Variants in SPOCK1 observed in about 807,000 individuals in gnomAD.
SPOCK1 encodes the protein SPARC (osteonectin), cwcv and kazal like domains proteoglycan 1.
Under a neutral mutation model 55.3 loss-of-function variants are expected in SPOCK1, and 23 were observed. The ratio of observed to expected loss-of-function variants is 0.42; its 90% confidence interval spans 0.30 to 0.59. SPOCK1 has a LOEUF of 0.59. Ranked by LOEUF, SPOCK1 falls within the 20% of genes least tolerant of loss-of-function variation. SPOCK1 has a pLI of 0.22. For missense variants in SPOCK1, 499 were observed against 552.5 expected (o/e 0.90, Z 0.97); for synonymous variants, 226 against 221.0 (o/e 1.02, Z -0.20).
chr5:137,483,191 G>A (rs1208900439), intron 2 of SPOCK1, among the ~76,000 whole-genome samples: 1 of 152,136 alleles, frequency 6.6e-6, no homozygotes, highest in Non-Finnish European at 1.5e-5. Context: ...AAATTAGTCA[G>A]GCGTAGTGGT....
At chr5:137,020,618 G>A (rs1751546759) in intron 6 of SPOCK1, among the ~76,000 whole-genome samples, 1 of 151,852 alleles carries the variant, frequency 6.6e-6, no homozygotes, top group Non-Finnish European at 1.5e-5. Context: ...ACTACAAAGA[G>A]TAAAAAGAAG....
rs551893594 is a variant in SPOCK1, at chr5:137,100,865, T to C, written c.474+11570A>G. On this transcript the variant is annotated intron_variant, in intron 5 of 10. Coordinates refer to ENST00000394945, the MANE Select transcript of SPOCK1 (RefSeq NM_004598.4). Reference sequence around the variant, plus strand: ...AAGATTCCCAAATGTTTCATTTGTTTCCGAAAGGGGAAAAAAAAAAAAAGA... The same window carrying C: ...AAGATTCCCAAATGTTTCATTTGTTCCCGAAAGGGGAAAAAAAAAAAAAGA... Among the ~76,000 whole-genome samples, 13 of 116,216 alleles carry C rather than the reference T, an allele frequency of 1.1e-4. No homozygotes were observed. The South Asian group carries it at 3.2e-3, about 29-fold the overall frequency. 76.2% of individuals were successfully genotyped at this position (116,216 alleles called of 152,430 possible).
At chr5:137,433,252 T>C (rs924982595) in intron 2 of SPOCK1, among the ~76,000 whole-genome samples, 2 of 152,124 alleles carry the variant, frequency 1.3e-5, no homozygotes, top group Admixed American at 1.3e-4. Context: ...TGATTCCAGG[T>C]AGAAATAGCA....
intron 2 of SPOCK1, among the ~76,000 whole-genome samples, chr5:137,410,339 A>G (rs1208336164): frequency 6.6e-6 from 1 of 152,192 alleles, no homozygotes; most frequent in Admixed American, 6.5e-5. Context: ...CCTGATGATA[A>G]TTAATTTTAA....
chr5:137,158,747 C>G (rs1754469207), intron 3 of SPOCK1, among the ~76,000 whole-genome samples: 1 of 151,902 alleles, frequency 6.6e-6, no homozygotes, highest in Non-Finnish European at 1.5e-5. Context: ...TCGGGGGCAC[C>G]ATAACAAGGG....
At chr5:137,294,175 C>T (rs1757433019) in intron 2 of SPOCK1, among the ~76,000 whole-genome samples, 1 of 152,072 alleles carries the variant, frequency 6.6e-6, no homozygotes, top group South Asian at 2.1e-4. Context: ...TGTCTTTTGG[C>T]TTCTTTATCG....
chr5:137,193,334 G>A (rs1755225659), intron 3 of SPOCK1, among the ~76,000 whole-genome samples: 2 of 152,144 alleles, frequency 1.3e-5, no homozygotes, highest in African/African-American at 4.8e-5. Flanking sequence ...CCAAAGCCTT[G>A]GGGATTGACT....
At chr5:137,259,227 G>A (rs957718942) in intron 3 of SPOCK1, among the ~76,000 whole-genome samples, 3 of 152,122 alleles carry the variant, frequency 2.0e-5, no homozygotes, top group East Asian at 1.9e-4. Flanking sequence ...TAGCAAAGAC[G>A]TGGAACCAAC....
At chr5:137,366,661 G>T (rs1751073785) in intron 2 of SPOCK1, among the ~76,000 whole-genome samples, 1 of 152,238 alleles carries the variant, frequency 6.6e-6, no homozygotes, top group Admixed American at 6.5e-5. Context: ...CTAACCAACT[G>T]CTTGTCAGAA....
At position 137,401,041 on chromosome 5, in the gene SPOCK1, C is replaced by T. The variant is rs559813148; in HGVS notation, c.186+97332G>A. On this transcript the variant is annotated intron_variant, in intron 2 of 10. Coordinates refer to ENST00000394945, the MANE Select transcript of SPOCK1 (RefSeq NM_004598.4). ...GCATGGGGCCAGTGCACAGAGAGGG[C>T]CTGTCTCTCAACAGGGGCTATCAAG... Among the ~76,000 whole-genome samples the T allele has an allele frequency of 2.6e-5, 4 of 151,754 alleles. No individual in the cohort carries two copies. The East Asian group carries it at 7.8e-4, about 30-fold the overall frequency.
intron 4 of SPOCK1, among the ~76,000 whole-genome samples, chr5:137,116,473 C>A (rs1000657001): frequency 6.6e-6 from 1 of 151,872 alleles, no homozygotes; most frequent in Non-Finnish European, 1.5e-5. Context: ...AGCGAAACCC[C>A]GTCTCTACTA....
In SPOCK1 at chr5:136,978,450, A is replaced by AAAAAC. The variant is rs1554090698; in HGVS notation, c.*203_*204insGTTTT. The AAAAAC allele has an allele frequency of 5.4e-5, 24 of 447,872 alleles. No individual in the cohort carries two copies. Among genetic ancestry groups the AAAAAC allele is most frequent in the Non-Finnish European group, 8.3e-5 (22 of 264,512 alleles). 27.7% of individuals were successfully genotyped at this position (447,872 alleles called of 1,614,324 possible). On this transcript the variant is annotated 3_prime_UTR_variant, in exon 11 of 11. Coordinates refer to ENST00000394945, the MANE Select transcript of SPOCK1 (RefSeq NM_004598.4). Reference sequence around the variant, plus strand: ...CCAAAAAATAAACAACAACAAAAAAAAAACACAACACCCTTTCTCCCATAC... The same window carrying AAAAAC: ...CCAAAAAATAAACAACAACAAAAAAAAAAACAAACACAACACCCTTTCTCCCATAC...
chr5:137,180,803 G>A (rs1025290323), intron 3 of SPOCK1, among the ~76,000 whole-genome samples: 1 of 152,136 alleles, frequency 6.6e-6, no homozygotes, highest in Non-Finnish European at 1.5e-5. Flanking sequence ...AGCCCCCAGG[G>A]TTTAGGCATT....
intron 3 of SPOCK1, among the ~76,000 whole-genome samples, chr5:137,191,242 A>T (rs1649988114): frequency 6.6e-6 from 1 of 152,214 alleles, no homozygotes; most frequent in Non-Finnish European, 1.5e-5. Context: ...ACATCCCCTC[A>T]CATGGGTTTT....
intron 2 of SPOCK1, among the ~76,000 whole-genome samples, chr5:137,490,236 C>T (rs1188056903): frequency 2.0e-5 from 3 of 152,186 alleles, no homozygotes; most frequent in South Asian, 2.1e-4. Flanking sequence ...CCTCTGACGA[C>T]CCATAATGAT....
Position 137,498,526 on chromosome 5 carries a change from G to A in SPOCK1, c.33C>T (p.Ala11=), listed in dbSNP as rs1420684581. Residue 11 remains alanine, a synonymous_variant, in exon 2 of 11, where the codon GCC becomes GCT. Coordinates refer to ENST00000394945, the MANE Select transcript of SPOCK1 (RefSeq NM_004598.4). MPAIAVLAAA[A]AAWCFLQVES... ...CGACTTGGAGGAAGCACCACGCCGC[G>A]GCGGCCGCCGCCAACACCGCGATCG... 3.9e-6 allele frequency: 6 copies of A among 1,545,762 alleles called. No individual in the cohort carries two copies. The highest frequency in any genetic ancestry group is 2.4e-5 in the East Asian group (1 of 40,982).
intron 4 of SPOCK1, among the ~76,000 whole-genome samples, chr5:137,126,352 T>C (rs1580764150): frequency 1.3e-5 from 2 of 151,978 alleles, no homozygotes; most frequent in African/African-American, 4.9e-5. Flanking sequence ...GCCAAATATA[T>C]ATCTTTTCTT....
chr5:137,052,499 C>A (rs188794925), intron 6 of SPOCK1, among the ~76,000 whole-genome samples: 1 of 152,164 alleles, frequency 6.6e-6, no homozygotes, highest in African/African-American at 2.4e-5. Context: ...TTACAGTATA[C>A]AAGCCATTTT....
At chr5:137,095,308 G>A (rs903380368) in intron 5 of SPOCK1, among the ~76,000 whole-genome samples, 2 of 152,022 alleles carry the variant, frequency 1.3e-5, no homozygotes, top group Admixed American at 1.3e-4. Flanking sequence ...CAACAGACTT[G>A]TTTAATGTGG....
Sources: allele counts gnomAD v4.1 joint callset (sites outside exome capture counted in the v4.1 genomes callset), GRCh38; gene constraint gnomAD v4.1.1; transcripts MANE v1.5; gene names NCBI Gene and HGNC (gene_info 2026-07-23, HGNC 2026-07-21).